Variants in CDKAL1 observed in about 807,000 individuals in gnomAD.
CDKAL1 encodes the protein threonylcarbamoyladenosine tRNA methylthiotransferase.
In CDKAL1, 32 loss-of-function variants were observed where a neutral mutation model predicts 68.2. The observed-to-expected ratio is 0.47, with a 90% CI of 0.35 to 0.63. The LOEUF is 0.63. Ranked by LOEUF, CDKAL1 falls within the 30% of genes least tolerant of loss-of-function variation. CDKAL1 has a pLI of 0.00. For synonymous variants in CDKAL1, 234 were observed against 244.3 expected (o/e 0.96, Z 0.39); for missense variants, 606 against 696.7 (o/e 0.87, Z 1.47).
chr6:20,938,969 C>A (rs757153733), intron 9 of CDKAL1, among the ~76,000 whole-genome samples: 1 of 152,098 alleles, frequency 6.6e-6, no homozygotes, highest in Non-Finnish European at 1.5e-5. Flanking sequence ...AATGTCCCCT[C>A]CTCCTTTTCC....
At chr6:20,616,266 T>C (rs1476416754) in intron 4 of CDKAL1, among the ~76,000 whole-genome samples, 1 of 151,982 alleles carries the variant, frequency 6.6e-6, no homozygotes, top group Non-Finnish European at 1.5e-5. Flanking sequence ...CGATGCGGGC[T>C]CTTTTTTGGT....
chr6:20,942,414 T>C (rs4712571), intron 9 of CDKAL1, among the ~76,000 whole-genome samples: 129,902 of 145,664 alleles, frequency 0.89, 58,076 homozygotes, highest in East Asian at 1. Flanking sequence ...TTTGCCCAGG[T>C]TGGAGGGCAG....
chr6:20,536,658 AAAATATCTG>A (rs1763185659), intron 2 of CDKAL1, among the ~76,000 whole-genome samples: 1 of 152,188 alleles, frequency 6.6e-6, no homozygotes, highest in South Asian at 2.1e-4. Flanking sequence ...GGTTTTACTC[AAAATATCTG>A]ATTTAGTATG....
At chr6:20,853,386 C>CAAAAAAAAA (rs751328082) in intron 9 of CDKAL1, among the ~76,000 whole-genome samples, 1 of 32,472 alleles carries the variant, frequency 3.1e-5, no homozygotes, top group East Asian at 4.3e-4. Flanking sequence ...TCTCAAAAAA[C>CAAAAAAAAA]AAAACAAAAA....
rs1773766913 is a variant in CDKAL1 at position 20,748,555 on chromosome 6, G to GGAAAAA, written c.468+8940_468+8941insGAAAAA. Among the ~76,000 whole-genome samples the GGAAAAA allele has an allele frequency of 6.6e-4, 19 of 28,770 alleles. 1 individual carries two copies. Among genetic ancestry groups the GGAAAAA allele is most frequent in the African/African-American group, 2.0e-3 (17 of 8,680 alleles). The allele number at this position is 28,770 out of a possible 152,430, so 18.9% of individuals were successfully genotyped here. A position where few individuals can be genotyped will look rare whatever the true frequency, so the allele number is the denominator to read the frequency against. On this transcript the variant is annotated intron_variant, in intron 6 of 15. Transcript: ENST00000274695. ...GAAAGAGAGCAAGACTCTGTTTCTG[G>GGAAAAA]AAAAAAAAAAAAAAAAAAAAAAAAA... is the stretch of plus-strand genomic sequence containing the variant.
chr6:20,632,405 C>T (rs2127742691), intron 4 of CDKAL1, among the ~76,000 whole-genome samples: 1 of 152,276 alleles, frequency 6.6e-6, no homozygotes, highest in Non-Finnish European at 1.5e-5. Context: ...ATTACTTTTG[C>T]ACCATTGTAA....
chr6:21,078,504 G>A (rs1197918377), intron 12 of CDKAL1, among the ~76,000 whole-genome samples: 1 of 152,074 alleles, frequency 6.6e-6, no homozygotes. Flanking sequence ...TGTTATTATT[G>A]TCATTCTGCA....
intron 6 of CDKAL1, among the ~76,000 whole-genome samples, chr6:20,745,278 C>T (rs1033679823): frequency 5.9e-5 from 9 of 152,156 alleles, no homozygotes; most frequent in African/African-American, 9.7e-5. Context: ...TGCATTTGAA[C>T]GGCTAAATTT....
chr6:20,799,040 GT>G (rs754008816), intron 8 of CDKAL1, among the ~76,000 whole-genome samples: 44 of 47,496 alleles, frequency 9.3e-4, no homozygotes, highest in African/African-American at 2.1e-3. Context: ...AAAGAACTGA[GT>G]TTTTTTTTTT....
intron 8 of CDKAL1, among the ~76,000 whole-genome samples, chr6:20,800,963 G>C (rs932735315): frequency 1.3e-4 from 20 of 151,872 alleles, no homozygotes; most frequent in Non-Finnish European, 2.6e-4. Context: ...TGTCATCCAG[G>C]CTGGAGCATG....
intron 4 of CDKAL1, among the ~76,000 whole-genome samples, chr6:20,646,157 A>C (rs1054030637): frequency 6.8e-6 from 1 of 147,418 alleles, no homozygotes; most frequent in Admixed American, 7.0e-5. Flanking sequence ...CCCAGGTTCA[A>C]GCAATTCTTC....
At chr6:21,016,774 T>TC (rs889109011) in intron 11 of CDKAL1, among the ~76,000 whole-genome samples, 4 of 152,098 alleles carry the variant, frequency 2.6e-5, no homozygotes, top group Non-Finnish European at 5.9e-5. Flanking sequence ...TGGCACCAGG[T>TC]CCCCTCAGTG....
chr6:20,735,795 GTGCTA>G (rs771468926), intron 5 of CDKAL1, among the ~76,000 whole-genome samples: 30 of 152,184 alleles, frequency 2.0e-4, no homozygotes, highest in South Asian at 4.1e-4. Flanking sequence ...CCCTGATTAA[GTGCTA>G]TGTAAGTGCT....
chr6:20,945,481 A>G (rs899432944), intron 9 of CDKAL1, among the ~76,000 whole-genome samples: 1 of 152,190 alleles, frequency 6.6e-6, no homozygotes, highest in Non-Finnish European at 1.5e-5. Context: ...GTTTTTGGGT[A>G]GTAGGTTCTT....
intron 15 of CDKAL1, among the ~76,000 whole-genome samples, chr6:21,224,673 C>T (rs1397919068): frequency 1.3e-5 from 2 of 152,144 alleles, no homozygotes; most frequent in Non-Finnish European, 2.9e-5. Flanking sequence ...AGAAGAATGC[C>T]TCCCAGCCAA....
At chr6:20,683,609 A>T (rs1407384340) in intron 5 of CDKAL1, among the ~76,000 whole-genome samples, 1 of 152,224 alleles carries the variant, frequency 6.6e-6, no homozygotes, top group Non-Finnish European at 1.5e-5. Context: ...GAAGGTACAG[A>T]GATGTTCCAT....
At chr6:20,581,048 C>G (rs887351080) in intron 4 of CDKAL1, among the ~76,000 whole-genome samples, 2 of 152,154 alleles carry the variant, frequency 1.3e-5, no homozygotes, top group African/African-American at 4.8e-5. Context: ...CTTGGCCTCC[C>G]AAAGTGCTGG....
In CDKAL1 at chr6:20,807,912, A is replaced by G. The variant is rs181970802; in HGVS notation, c.638+26647A>G. ...ACTTCAAAATCCATTTAAGGGGTGC[A>G]GTGAGGAACTCACACCTAATCTTCA... On this transcript the variant is annotated intron_variant, in intron 8 of 15. Coordinates refer to ENST00000274695, the MANE Select transcript of CDKAL1 (RefSeq NM_017774.3). Among the ~76,000 whole-genome samples, 59 of 152,360 alleles carry G rather than the reference A, an allele frequency of 3.9e-4. 1 individual carries two copies. The East Asian group carries it at 7.3e-3, about 19-fold the overall frequency.
intron 6 of CDKAL1, chr6:20,756,912 CTT>C (rs1392012330): frequency 3.1e-5 from 4 of 128,296 alleles, no homozygotes; most frequent in Admixed American, 1.6e-4. Flanking sequence ...TCCTTCCTTC[CTT>C]CCTTCCTTCC....
Sources: allele counts gnomAD v4.1 joint callset (sites outside exome capture counted in the v4.1 genomes callset), GRCh38; gene constraint gnomAD v4.1.1; transcripts MANE v1.5; gene names NCBI Gene and HGNC (gene_info 2026-07-23, HGNC 2026-07-21).